MGAT4C: variants seen among roughly 807,000 people sequenced by gnomAD.
MGAT4C encodes MGAT4 family member C, also known as alpha-1,3-mannosyl-glycoprotein 4-beta-N-acetylglucosaminyltransferase C.
MGAT4C carries 19 observed loss-of-function variants against 40.1 expected under a neutral mutation model. That is an observed-to-expected ratio of 0.47 (90% confidence interval 0.33 to 0.70). The LOEUF (loss-of-function observed/expected upper bound fraction) is 0.70. MGAT4C is among the 30% of genes least tolerant of loss of function. The pLI is 0.02. For synonymous variants in MGAT4C, 181 were observed against 187.1 expected, an observed-to-expected ratio of 0.97 and a Z score of 0.27; for missense variants, 491 against 563.2, an observed-to-expected ratio of 0.87 and a Z score of 1.30.
Position 86,684,776 on chromosome 12 carries a change from T to C in MGAT4C, c.-229+42433A>G, listed in dbSNP as rs9804736. Among the ~76,000 whole-genome samples the C allele has an allele frequency of 7.1e-3, 1,082 of 152,304 alleles. 15 individuals are homozygous for C. Among genetic ancestry groups the C allele is most frequent in the African/African-American group, 0.025 (1,045 of 41,566 alleles). On this transcript the variant is annotated intron_variant, in intron 2 of 7. Coordinates refer to the MGAT4C transcript ENST00000548651. ...GTGGTTCTGATTTTCATTTCTCTAA[T>C]GACCGATGATGATGAGCTTTTTTTT...
intron 1 of MGAT4C, among the ~76,000 whole-genome samples, chr12:86,777,892 A>G (rs961659698): frequency 6.6e-6 from 1 of 152,196 alleles, no homozygotes; most frequent in African/African-American, 2.4e-5. Flanking sequence ...CAAACTACCT[A>G]TACAGAACTC....
intron 1 of MGAT4C, among the ~76,000 whole-genome samples, chr12:86,122,798 G>A (rs1055287285): frequency 5.3e-5 from 8 of 152,088 alleles, no homozygotes; most frequent in South Asian, 4.2e-4. Context: ...GTGTGTGTGT[G>A]TATATATATA....
Position 86,838,638 on chromosome 12 carries a change from G to T in MGAT4C, c.-262+28C>A, listed in dbSNP as rs1953089362. On this transcript the variant is annotated intron_variant, in intron 1 of 7. Coordinates refer to the MGAT4C transcript ENST00000548651. ...ACTATTACCTGATAAAGAAGAGAGG[G>T]TAATGAATTGAGAAAATAACTACGT... The T allele has an allele frequency of 2.0e-5, 3 of 152,154 alleles. No individual in the cohort carries two copies. The South Asian group carries it at 6.2e-4, about 31-fold the overall frequency. The allele number at this position is 152,154 out of a possible 1,614,324, so 9.4% of individuals were successfully genotyped here.
chr12:86,394,274 A>T (rs1189015608), intron 3 of MGAT4C, among the ~76,000 whole-genome samples: 1 of 151,932 alleles, frequency 6.6e-6, no homozygotes, highest in Non-Finnish European at 1.5e-5. Context: ...TTTTCAAGAC[A>T]TACTAATGGA....
chr12:86,533,911 T>A (rs1959027067), intron 2 of MGAT4C, among the ~76,000 whole-genome samples: 1 of 151,846 alleles, frequency 6.6e-6, no homozygotes, highest in Non-Finnish European at 1.5e-5. Flanking sequence ...ATCTTAAGAC[T>A]GACAAAGCAG....
In MGAT4C at chr12:86,256,374, T is replaced by C. The variant is rs1023607745; in HGVS notation, c.-192A>G. On this transcript the variant is annotated 5_prime_UTR_variant, in exon 1 of 5. Coordinates refer to ENST00000611864, the MANE Select transcript of MGAT4C (RefSeq NM_001351288.2). The stretch of plus-strand genomic sequence containing the variant: ...GAAGAGATGTAAACATCCATCATAA[T>C]GGCACTGTGCTGAAACTGAACGCTA... The C allele has an allele frequency of 2.6e-5, 4 of 152,178 alleles. No individual in the cohort carries two copies. Among genetic ancestry groups the C allele is most frequent in the Non-Finnish European group, 4.4e-5 (3 of 68,054 alleles). The allele number at this position is 152,178 out of a possible 1,614,324, so 9.4% of individuals were successfully genotyped here. A position where few individuals can be genotyped will look rare whatever the true frequency, so the allele number is the denominator to read the frequency against.
At chr12:86,662,854 G>A (rs577898571) in intron 2 of MGAT4C, among the ~76,000 whole-genome samples, 7 of 152,158 alleles carry the variant, frequency 4.6e-5, no homozygotes, top group South Asian at 2.1e-4. Flanking sequence ...TCATTAATTC[G>A]TGTCAAAAAA....
intron 2 of MGAT4C, among the ~76,000 whole-genome samples, chr12:86,610,294 A>G (rs1021827965): frequency 4.6e-5 from 7 of 152,188 alleles, no homozygotes; most frequent in Non-Finnish European, 1.0e-4. Context: ...TGATAAATTA[A>G]CTACTATACT....
chr12:86,005,682 G>A (rs577590025), intron 2 of MGAT4C, among the ~76,000 whole-genome samples: 1 of 152,216 alleles, frequency 6.6e-6, no homozygotes, highest in Admixed American at 6.5e-5. Context: ...GCTAGTTCTT[G>A]GCTGGACTTC....
chr12:86,219,433 A>T (rs970109873), intron 1 of MGAT4C, among the ~76,000 whole-genome samples: 4 of 152,218 alleles, frequency 2.6e-5, no homozygotes, highest in Non-Finnish European at 5.9e-5. Flanking sequence ...GAAGACAATA[A>T]AAACGTCAGA....
At chr12:86,575,234 T>C (rs1314207641) in intron 2 of MGAT4C, among the ~76,000 whole-genome samples, 2 of 110,124 alleles carry the variant, frequency 1.8e-5, no homozygotes, top group East Asian at 6.0e-4. Context: ...TCCAATTGCA[T>C]TCTTTATTTT....
intron 2 of MGAT4C, among the ~76,000 whole-genome samples, chr12:86,665,803 G>A (rs2136555948): frequency 6.6e-6 from 1 of 152,284 alleles, no homozygotes; most frequent in South Asian, 2.1e-4. Context: ...TAATGTTAAA[G>A]AAACTGATCG....
chr12:86,823,509 T>A (rs1952743017), intron 1 of MGAT4C, among the ~76,000 whole-genome samples: 1 of 151,176 alleles, frequency 6.6e-6, no homozygotes, highest in African/African-American at 2.4e-5. Flanking sequence ...CAAATCAGAA[T>A]TTCACCATCT....
At chr12:86,694,986 C>T (rs754373949) in intron 2 of MGAT4C, among the ~76,000 whole-genome samples, 1 of 152,108 alleles carries the variant, frequency 6.6e-6, no homozygotes, top group Non-Finnish European at 1.5e-5. Flanking sequence ...AGGCAACTCA[C>T]AGAATGGTGG....
At chr12:86,576,788 T>C (rs1002621602) in intron 2 of MGAT4C, among the ~76,000 whole-genome samples, 23 of 151,924 alleles carry the variant, frequency 1.5e-4, no homozygotes, top group African/African-American at 5.6e-4. Flanking sequence ...TTGCGTAGAA[T>C]AGCTTTGGCT....
chr12:86,370,088 T>A (rs1955686799), intron 3 of MGAT4C, among the ~76,000 whole-genome samples: 1 of 151,946 alleles, frequency 6.6e-6, no homozygotes, highest in East Asian at 1.9e-4. Context: ...GGAGGTGAAT[T>A]GGGAAATCAA....
chr12:86,348,071 A>G (rs2136189601), intron 3 of MGAT4C, among the ~76,000 whole-genome samples: 2 of 152,300 alleles, frequency 1.3e-5, no homozygotes, highest in South Asian at 4.1e-4. Context: ...ATACTTCTTC[A>G]AATTTAGTCC....
chr12:86,822,121 T>C (rs1952716993), intron 1 of MGAT4C, among the ~76,000 whole-genome samples: 1 of 150,998 alleles, frequency 6.6e-6, no homozygotes, highest in African/African-American at 2.4e-5. Flanking sequence ...GTTATCAGCT[T>C]AAAATATAAT....
intron 1 of MGAT4C, among the ~76,000 whole-genome samples, chr12:86,160,204 T>C (rs1298508263): frequency 6.6e-6 from 1 of 152,090 alleles, no homozygotes; most frequent in East Asian, 1.9e-4. Context: ...ACACTGCTTT[T>C]GCTGCATCCA....
Sources: gnomAD v4.1 joint callset for allele counts (sites outside exome capture counted in the v4.1 genomes callset) on GRCh38, gnomAD v4.1.1 for gene constraint, MANE v1.5 for transcripts, NCBI Gene and HGNC (gene_info 2026-07-23, HGNC 2026-07-21) for gene names.